Variants in ANKRD16 observed in about 807,000 individuals in gnomAD.
ANKRD16 encodes ankyrin repeat domain-containing protein 16.
Under a neutral mutation model 37.9 loss-of-function variants are expected in ANKRD16, and 35 were observed. That is an observed-to-expected ratio of 0.92 (90% CI 0.71 to 1.23). The LOEUF (loss-of-function observed/expected upper bound fraction) is 1.23, where lower values mean the gene tolerates loss of function less well. ANKRD16 is among the 50% of genes most tolerant of loss of function. The probability of loss-of-function intolerance (pLI) is 0.00; values close to 1 mark genes in which losing one functional copy is unlikely to be tolerated. For missense variants in ANKRD16, 480 were observed against 469.9 expected (o/e 1.02, Z -0.20); for synonymous variants, 206 against 197.2 (o/e 1.04, Z -0.37).
At chr10:5,876,040 C>T (rs937506503) in intron 7 of ANKRD16, among the ~76,000 whole-genome samples, 18 of 152,080 alleles carry the variant, frequency 1.2e-4, no homozygotes, top group Non-Finnish European at 1.6e-4. Flanking sequence ...CATGCCACCA[C>T]GCCGGGCTAA....
intron 2 of ANKRD16, among the ~76,000 whole-genome samples, chr10:5,886,485 G>T (rs1343887902): frequency 6.6e-6 from 1 of 152,214 alleles, no homozygotes; most frequent in Non-Finnish European, 1.5e-5. Context: ...CAGCTTCTCG[G>T]GAGACTGAGG....
chr10:5,887,147 G>A (rs1032984636), intron 2 of ANKRD16, among the ~76,000 whole-genome samples: 1 of 152,146 alleles, frequency 6.6e-6, no homozygotes, highest in Non-Finnish European at 1.5e-5. Flanking sequence ...ACAACCCTGA[G>A]ACATACCATC....
intron 1 of ANKRD16, among the ~76,000 whole-genome samples, chr10:5,888,726 G>C (rs893049343): frequency 3.3e-4 from 51 of 152,256 alleles, no homozygotes; most frequent in African/African-American, 1.2e-3. Flanking sequence ...ATCGCATCCG[G>C]AGGCTATCTG....
chr10:5,879,894 C>T (rs1431040145), intron 6 of ANKRD16, among the ~76,000 whole-genome samples: 1 of 152,158 alleles, frequency 6.6e-6, no homozygotes, highest in Non-Finnish European at 1.5e-5. Flanking sequence ...CACAGTGGCT[C>T]ATGCCTGTAA....
rs1841944456 is a variant in ANKRD16 at position 5,861,812 on chromosome 10, G to T, written c.*913C>A. 1 of 150,786 alleles carries T rather than the reference G, an allele frequency of 6.6e-6. No homozygotes were observed. The highest frequency in any genetic ancestry group is 2.1e-4 in the South Asian group (1 of 4,760). The allele number at this position is 150,786 out of a possible 1,614,324, so 9.3% of individuals were successfully genotyped here. On this transcript the variant is annotated 3_prime_UTR_variant, in exon 8 of 8. Coordinates refer to ENST00000380094, the MANE Select transcript of ANKRD16 (RefSeq NM_019046.3). ...TATTTTCCTTTGCATTCTTTAACTAGCTGGGCATTCCACAGCTTCACTGTT... is the reference window on the plus strand; with the variant it reads ...TATTTTCCTTTGCATTCTTTAACTATCTGGGCATTCCACAGCTTCACTGTT...
chr10:5,878,211 T>G lies in ANKRD16; in HGVS notation c.1005A>C (p.Glu335Asp). 1 of 1,614,184 alleles carries G rather than the reference T, an allele frequency of 6.2e-7. No individual in the cohort carries two copies. Among genetic ancestry groups the G allele is most frequent in the East Asian group, 2.2e-5 (1 of 44,888 alleles). The change falls in exon 7 of 8, where the codon GAA becomes GAC. Residue 335 changes from glutamate (E) to aspartate (D), a missense_variant. By Grantham distance (45) the Glu-to-Asp change is conservative. Coordinates refer to ENST00000380094, the MANE Select transcript of ANKRD16 (RefSeq NM_019046.3). The surrounding 1 kb of genome is among the most constrained non-coding windows in gnomAD (Gnocchi z 5.1). The stretch of plus-strand genomic sequence containing the variant: ...GCTGAGCCAGGGTGCCCGTGATGTC[T>G]TCAGAATCCTTCAGTCCCGACTGCA... Reference protein sequence around the residue: ...FLLQSGLKDSEDITGTLAQQL... With the variant: ...FLLQSGLKDSDDITGTLAQQL...
chr10:5,889,488 A>C lies in ANKRD16; in HGVS notation c.-134T>G. The C allele has an allele frequency of 9.5e-6, 5 of 527,050 alleles. No homozygotes were observed. The highest frequency in any genetic ancestry group is 1.3e-5 in the Non-Finnish European group (5 of 379,830). 32.6% of individuals were successfully genotyped at this position (527,050 alleles called of 1,614,324 possible). A position where few individuals can be genotyped will look rare whatever the true frequency, so the allele number is the denominator to read the frequency against. On this transcript the variant is annotated 5_prime_UTR_variant, in exon 1 of 8. Coordinates refer to ENST00000380094, the MANE Select transcript of ANKRD16 (RefSeq NM_019046.3). ...CCCCGCGCGCCCCGAACCCGGCAGA[A>C]CCGCCCCTCACGCCCCCGGCTTTGT... is the stretch of plus-strand genomic sequence containing the variant.
intron 5 of ANKRD16, among the ~76,000 whole-genome samples, chr10:5,880,853 G>A (rs1842288637): frequency 6.6e-6 from 1 of 151,962 alleles, no homozygotes; most frequent in South Asian, 2.1e-4. Context: ...GGGGTCTTAC[G>A]TTTTTATTTT....
At chr10:5,873,320 G>GC (rs1842134152) in intron 7 of ANKRD16, among the ~76,000 whole-genome samples, 1 of 152,012 alleles carries the variant, frequency 6.6e-6, no homozygotes. Flanking sequence ...ATGAGCCACC[G>GC]TCCCCAGCAC....
intron 7 of ANKRD16, among the ~76,000 whole-genome samples, chr10:5,867,072 C>T (rs1014172868): frequency 3.9e-5 from 6 of 152,140 alleles, no homozygotes; most frequent in African/African-American, 1.4e-4. Context: ...AATTTAAAAC[C>T]TATAATTGAT....
At chr10:5,887,478 C>T (rs1308115581) in intron 2 of ANKRD16, among the ~76,000 whole-genome samples, 1 of 151,810 alleles carries the variant, frequency 6.6e-6, no homozygotes, top group African/African-American at 2.4e-5. Flanking sequence ...GGGTTCAAGC[C>T]ATTCTCCTGC....
intron 7 of ANKRD16, among the ~76,000 whole-genome samples, chr10:5,877,231 G>A (rs1432244122): frequency 1.3e-5 from 2 of 152,124 alleles, no homozygotes; most frequent in African/African-American, 4.8e-5. Context: ...TCGGGCCTCA[G>A]CCTCACTGGT....
intron 4 of ANKRD16, 54 bp downstream of exon 4, chr10:5,883,915 G>A (rs2131776745): frequency 7.3e-6 from 11 of 1,510,326 alleles, no homozygotes; most frequent in Non-Finnish European, 1.0e-5. Flanking sequence ...CTTAACCTGT[G>A]ACCTAAAATT....
intron 5 of ANKRD16, 130 bp from the exon 6 acceptor site, chr10:5,880,506 A>G (rs776678561): frequency 2.0e-5 from 9 of 446,532 alleles, no homozygotes; most frequent in Non-Finnish European, 2.0e-5. Context: ...CATACCTGAG[A>G]GACAGGTCTG....
chr10:5,881,481 T>TATATATATATATATATATA (rs1842315520), intron 5 of ANKRD16, among the ~76,000 whole-genome samples: 12 of 129,338 alleles, frequency 9.3e-5, no homozygotes, highest in Admixed American at 4.0e-4. Context: ...TATATATATA[T>TATATATATATATATATATA]TTGAGATGTA....
At chr10:5,888,987 G>A (rs982307796) in intron 1 of ANKRD16, 54 bp downstream of exon 1, 1 of 1,463,718 alleles carries the variant, frequency 6.8e-7, no homozygotes, top group African/African-American at 1.4e-5. Flanking sequence ...CAGGGAACTC[G>A]CTACGACTCT....
At chr10:5,872,512 T>G (rs1277447882) in intron 7 of ANKRD16, among the ~76,000 whole-genome samples, 1 of 152,134 alleles carries the variant, frequency 6.6e-6, no homozygotes, top group Non-Finnish European at 1.5e-5. Context: ...AGGGAAAAAC[T>G]GCACGTGCAG....
At chr10:5,888,595 T>C (rs1386780496) in intron 1 of ANKRD16, among the ~76,000 whole-genome samples, 1 of 151,888 alleles carries the variant, frequency 6.6e-6, no homozygotes, top group East Asian at 1.9e-4. Context: ...GTGATACAAC[T>C]GCACTGTGCT....
chr10:5,883,907 T>C, intron 4 of ANKRD16, 62 bp downstream of exon 4: 1 of 1,464,702 alleles, frequency 6.8e-7, no homozygotes, highest in South Asian at 1.2e-5. Context: ...GTGCTCTGCT[T>C]AACCTGTGAC....
Sources: allele counts gnomAD v4.1 joint callset (sites outside exome capture counted in the v4.1 genomes callset), GRCh38; gene constraint gnomAD v4.1.1; non-coding constraint Gnocchi (gnomAD v3.1); transcripts MANE v1.5; gene names NCBI Gene and HGNC (gene_info 2026-07-23, HGNC 2026-07-21).